CDH2: variants seen among roughly 807,000 people sequenced by gnomAD.
CDH2 encodes the protein cadherin 2, also known as cadherin-2.
Under a neutral mutation model 92.0 loss-of-function variants are expected in CDH2, and 17 were observed. The ratio of observed to expected loss-of-function variants is 0.18; its 90% CI spans 0.13 to 0.28. The LOEUF is 0.28. Ranked by LOEUF, CDH2 falls within the 10% of genes least tolerant of loss-of-function variation. CDH2 has a pLI of 1.00. For missense variants in CDH2, 862 were observed against 1,133.1 expected (o/e 0.76, Z 3.44); for synonymous variants, 419 against 415.9 (o/e 1.01, Z -0.09).
chr18:28,077,080 T>C (rs1201544974), intron 2 of CDH2, among the ~76,000 whole-genome samples: 1 of 152,146 alleles, frequency 6.6e-6, no homozygotes, highest in Non-Finnish European at 1.5e-5. Context: ...AAGTGGGTAC[T>C]AAACAATTTT....
chr18:28,069,629 T>G (rs552801252), intron 2 of CDH2, among the ~76,000 whole-genome samples: 1 of 152,294 alleles, frequency 6.6e-6, no homozygotes, highest in Admixed American at 6.5e-5. Flanking sequence ...CTATATATTA[T>G]CAGGATGCAG....
chr18:28,093,815 C>T (rs1027903435), intron 2 of CDH2, among the ~76,000 whole-genome samples: 1 of 152,152 alleles, frequency 6.6e-6, no homozygotes, highest in Non-Finnish European at 1.5e-5. Flanking sequence ...AACTAAACCT[C>T]AAAAGTAAAT....
chr18:28,039,579 T>A (rs958420627), intron 2 of CDH2, among the ~76,000 whole-genome samples: 3 of 152,140 alleles, frequency 2.0e-5, no homozygotes, highest in Non-Finnish European at 4.4e-5. Context: ...AGGGACCAAA[T>A]GAACTATAAA....
chr18:28,031,853 T>TG (rs1301867396), intron 2 of CDH2, among the ~76,000 whole-genome samples: 3 of 152,124 alleles, frequency 2.0e-5, no homozygotes, highest in African/African-American at 7.2e-5. Flanking sequence ...GTGACACTGC[T>TG]GTTCAATGGG....
intron 7 of CDH2, among the ~76,000 whole-genome samples, chr18:27,996,169 G>A (rs912945799): frequency 6.6e-6 from 1 of 151,956 alleles, no homozygotes; most frequent in Non-Finnish European, 1.5e-5. Context: ...CCTCCCATTC[G>A]CTTACCCCAC....
intron 14 of CDH2, among the ~76,000 whole-genome samples, chr18:27,973,782 C>T (rs1454042577): frequency 2.0e-5 from 3 of 152,118 alleles, no homozygotes; most frequent in African/African-American, 7.2e-5. Context: ...ACTTCTAGGC[C>T]TGGCCCATAA....
At chr18:28,145,562 T>C (rs1199433036) in intron 2 of CDH2, among the ~76,000 whole-genome samples, 4 of 151,898 alleles carry the variant, frequency 2.6e-5, no homozygotes, top group African/African-American at 9.7e-5. Context: ...TAATAAAAAC[T>C]CCAAAAAGAT....
intron 2 of CDH2, chr18:28,036,560 T>G (rs565162715): frequency 1.9e-6 from 3 of 1,589,310 alleles, no homozygotes; most frequent in Non-Finnish European, 2.6e-6. Context: ...CCATCAAGTT[T>G]CCATTTCCCA....
intron 2 of CDH2, among the ~76,000 whole-genome samples, chr18:28,126,205 T>C (rs1568008215): frequency 6.6e-6 from 1 of 152,204 alleles, no homozygotes; most frequent in Non-Finnish European, 1.5e-5. Context: ...GCATGACTGT[T>C]CGCTATATAT....
rs1372513645 is a variant in CDH2, at chr18:28,147,759, A to T, written c.86T>A (p.Ile29Asn). 1 of 1,610,354 alleles carries T rather than the reference A, an allele frequency of 6.2e-7. No individual in the cohort carries two copies. The highest frequency in any genetic ancestry group is 1.1e-5 in the South Asian group (1 of 90,872). Residue 29 changes from isoleucine (I) to asparagine (N), a missense_variant, in exon 2 of 16, where the codon ATC becomes AAC. Coordinates refer to ENST00000269141, the MANE Select transcript of CDH2 (RefSeq NM_001792.5). The part of the protein sequence containing the change: ...LQASVEASGE[I>N]ALCKTGFPED... ...AGGAAATCCAGTCTTGCATAATGCG[A>T]TTTCACCAGAAGCCTCTACAGACGC... is the stretch of plus-strand genomic sequence containing the variant.
chr18:28,168,057 T>C (rs2016411899), intron 1 of CDH2, among the ~76,000 whole-genome samples: 3 of 152,186 alleles, frequency 2.0e-5, no homozygotes, highest in Admixed American at 1.3e-4. Context: ...AGATTTATGT[T>C]AAGCGGGAGC....
chr18:28,003,136 G>A lies in CDH2; in HGVS notation c.881C>T (p.Ala294Val), dbSNP rs761508961. The A allele has an allele frequency of 1.2e-6, 2 of 1,613,764 alleles. No homozygotes were observed. The highest frequency in any genetic ancestry group is 2.2e-5 in the South Asian group (2 of 91,076). Residue 294 changes from alanine to valine, a missense_variant, in exon 7 of 16, where the codon GCT becomes GTT. Around this residue, in one of 5 missense-constraint regions of CDH2, gnomAD observed 564 missense variants for 722.2 expected, o/e 0.78. Transcript: ENST00000269141. The stretch of plus-strand genomic sequence containing the variant: ...CCCATTGAGGGCATTGGGATCGTCA[G>A]CATCAATTGCTGTTACGGTCATCAC... ...TYVMTVTAIDADDPNALNGML... is the reference protein window; with the variant it reads ...TYVMTVTAIDVDDPNALNGML...
chr18:28,087,054 T>C (rs2014944861), intron 2 of CDH2, among the ~76,000 whole-genome samples: 1 of 152,212 alleles, frequency 6.6e-6, no homozygotes, highest in African/African-American at 2.4e-5. Context: ...CTGAATTTAA[T>C]ATTTTCTGCT....
rs1426916166 is a variant in CDH2, at chr18:28,007,164, A to AT, written c.703-1172_703-1171insA. Among the ~76,000 whole-genome samples, 196 of 132,156 alleles carry AT rather than the reference A, an allele frequency of 1.5e-3. 1 individual carries two copies. The highest frequency in any genetic ancestry group is 3.7e-3 in the South Asian group (16 of 4,278). The allele number at this position is 132,156 out of a possible 152,430, so 86.7% of individuals were successfully genotyped here. A position where few individuals can be genotyped will look rare whatever the true frequency, so the allele number is the denominator to read the frequency against. ...AACAGAGTGAGACTCCATAAAAAAA[A>AT]AATATATATATATATATATATATAT... is the stretch of plus-strand genomic sequence containing the variant. On this transcript the variant is annotated intron_variant, in intron 5 of 15. Coordinates refer to ENST00000269141, the MANE Select transcript of CDH2 (RefSeq NM_001792.5).
At chr18:28,074,758 C>T (rs1339479658) in intron 2 of CDH2, among the ~76,000 whole-genome samples, 10 of 147,050 alleles carry the variant, frequency 6.8e-5, no homozygotes, top group Admixed American at 3.4e-4. Context: ...CATCTGGTTT[C>T]GAGAATTCTT....
At chr18:28,019,302 AAAAG>A (rs891196883) in intron 2 of CDH2, among the ~76,000 whole-genome samples, 10 of 151,922 alleles carry the variant, frequency 6.6e-5, no homozygotes, top group Middle Eastern at 3.2e-3. Flanking sequence ...TAATTTTTTG[AAAAG>A]AAAGAAAACA....
intron 2 of CDH2, among the ~76,000 whole-genome samples, chr18:28,025,053 T>C (rs2013513272): frequency 6.6e-6 from 1 of 152,064 alleles, no homozygotes; most frequent in Non-Finnish European, 1.5e-5. Context: ...GATAAACACA[T>C]TGGTATTAAA....
chr18:28,007,156 T>TAAAAAAAAAAAA (rs753614802), intron 5 of CDH2, among the ~76,000 whole-genome samples: 1 of 106,676 alleles, frequency 9.4e-6, no homozygotes, highest in Non-Finnish European at 1.8e-5. Flanking sequence ...TGAGACTCCA[T>TAAAAAAAAAAAA]AAAAAAAAAA....
intron 4 of CDH2, among the ~76,000 whole-genome samples, chr18:28,010,266 A>C (rs1011159782): frequency 2.0e-5 from 3 of 152,192 alleles, no homozygotes; most frequent in Admixed American, 6.5e-5. Flanking sequence ...CAGTAACAAC[A>C]AGAATTAATT....
Sources: allele counts gnomAD v4.1 joint callset (sites outside exome capture counted in the v4.1 genomes callset), GRCh38; gene constraint gnomAD v4.1.1; regional missense constraint gnomAD v4.1.1; transcripts MANE v1.5; gene names NCBI Gene and HGNC (gene_info 2026-07-23, HGNC 2026-07-21).